ROBO1: variants seen among roughly 807,000 people sequenced by gnomAD.
ROBO1 encodes roundabout homolog 1.
In ROBO1, 149 loss-of-function variants were observed where a neutral mutation model predicts 195.9. The observed-to-expected ratio is 0.76, with a 90% CI of 0.67 to 0.87. ROBO1 has a LOEUF of 0.87. Ranked by LOEUF, ROBO1 falls within the 40% of genes least tolerant of loss-of-function variation. The probability of loss-of-function intolerance (pLI) is 0.00; values close to 1 mark genes in which losing one functional copy is unlikely to be tolerated. For missense variants in ROBO1, 1,933 were observed against 2,068.3 expected, an observed-to-expected ratio of 0.93 and a Z score of 1.27; for synonymous variants, 816 against 733.2, an observed-to-expected ratio of 1.11 and a Z score of -1.82.
intron 1 of ROBO1, among the ~76,000 whole-genome samples, chr3:79,764,936 G>A (rs958511403): frequency 1.1e-4 from 17 of 152,144 alleles, no homozygotes; most frequent in South Asian, 4.1e-4. Context: ...CAGCTGTTGA[G>A]TCTCTCCCCT....
intron 2 of ROBO1, among the ~76,000 whole-genome samples, chr3:79,452,390 A>G (rs191513253): frequency 6.6e-6 from 1 of 152,164 alleles, no homozygotes; most frequent in East Asian, 1.9e-4. Context: ...GCCTTCTCTT[A>G]TCTCCTAGAA....
intron 2 of ROBO1, among the ~76,000 whole-genome samples, chr3:79,449,704 T>C (rs999397976): frequency 2.6e-5 from 4 of 152,222 alleles, no homozygotes; most frequent in Non-Finnish European, 5.9e-5. Flanking sequence ...AGTCATGTTA[T>C]AGTTTGATGA....
At chr3:78,844,201 C>T (rs2033490516) in intron 4 of ROBO1, among the ~76,000 whole-genome samples, 1 of 152,070 alleles carries the variant, frequency 6.6e-6, no homozygotes, top group Admixed American at 6.6e-5. Context: ...ACATATTTGC[C>T]TTTCTAAGAA....
intron 4 of ROBO1, among the ~76,000 whole-genome samples, chr3:78,924,595 G>C (rs2039110430): frequency 6.6e-6 from 1 of 151,774 alleles, no homozygotes. Flanking sequence ...TATTTCTTCA[G>C]TGTGTGTGTG....
intron 3 of ROBO1, among the ~76,000 whole-genome samples, chr3:78,952,728 T>C (rs1412648250): frequency 2.6e-5 from 4 of 152,028 alleles, no homozygotes; most frequent in African/African-American, 9.7e-5. Context: ...CACCCAAAAT[T>C]ATACATAGTA....
At chr3:79,735,161 T>G (rs992002196) in intron 1 of ROBO1, among the ~76,000 whole-genome samples, 1 of 152,226 alleles carries the variant, frequency 6.6e-6, no homozygotes, top group African/African-American at 2.4e-5. Flanking sequence ...ACAAGCTATT[T>G]GGGTGGTTTG....
At chr3:79,465,635 T>C (rs1210106412) in intron 2 of ROBO1, among the ~76,000 whole-genome samples, 6 of 152,186 alleles carry the variant, frequency 3.9e-5, no homozygotes, top group Non-Finnish European at 5.9e-5. Flanking sequence ...GGTTTACTAA[T>C]TTCACTGTGA....
At chr3:79,512,708 G>A (rs1940768612) in intron 2 of ROBO1, 1 of 152,072 alleles carries the variant, frequency 6.6e-6, no homozygotes, top group Non-Finnish European at 1.5e-5. Context: ...TGCACTGAAG[G>A]AACAGAAACA....
At chr3:78,997,175 T>C (rs1030535138) in intron 3 of ROBO1, among the ~76,000 whole-genome samples, 3 of 152,142 alleles carry the variant, frequency 2.0e-5, no homozygotes, top group Non-Finnish European at 4.4e-5. Context: ...GATAGAGTTT[T>C]CTCCTTCCTC....
At chr3:78,821,734 A>G (rs1256402174) in intron 4 of ROBO1, among the ~76,000 whole-genome samples, 1 of 152,206 alleles carries the variant, frequency 6.6e-6, no homozygotes, top group African/African-American at 2.4e-5. Flanking sequence ...AGGTTGCAGG[A>G]TAATTTAATT....
intron 2 of ROBO1, among the ~76,000 whole-genome samples, chr3:79,286,765 A>G (rs545648866): frequency 6.6e-6 from 1 of 152,314 alleles, no homozygotes; most frequent in African/African-American, 2.4e-5. Context: ...TAACTGGAAT[A>G]ATAATAATAT....
At chr3:79,398,299 A>G (rs902833494) in intron 2 of ROBO1, among the ~76,000 whole-genome samples, 3 of 152,154 alleles carry the variant, frequency 2.0e-5, no homozygotes, top group Admixed American at 6.6e-5. Context: ...GAAAAATGAA[A>G]AGAAAGTGAA....
At chr3:79,308,015 T>C (rs1214579114) in intron 2 of ROBO1, among the ~76,000 whole-genome samples, 1 of 152,166 alleles carries the variant, frequency 6.6e-6, no homozygotes, top group Non-Finnish European at 1.5e-5. Context: ...ATTTCTACAA[T>C]CTGTGGCAAA....
At chr3:78,768,910 T>C (rs1356351710) in intron 4 of ROBO1, among the ~76,000 whole-genome samples, 2 of 149,706 alleles carry the variant, frequency 1.3e-5, no homozygotes, top group Non-Finnish European at 3.0e-5. Flanking sequence ...ATATGCGGTG[T>C]TTGGTTTTTT....
chr3:78,837,440 A>G (rs1253848989), intron 4 of ROBO1, among the ~76,000 whole-genome samples: 1 of 152,152 alleles, frequency 6.6e-6, no homozygotes. Context: ...GCTTAAAATG[A>G]TTTAAAATAG....
intron 2 of ROBO1, among the ~76,000 whole-genome samples, chr3:79,148,993 T>G (rs886538860): frequency 6.6e-6 from 1 of 151,882 alleles, no homozygotes; most frequent in African/African-American, 2.4e-5. Flanking sequence ...TTCCCAGCAA[T>G]TGGGACTTAA....
chr3:79,542,446 A>G (rs1942107573), intron 2 of ROBO1, among the ~76,000 whole-genome samples: 2 of 152,078 alleles, frequency 1.3e-5, no homozygotes, highest in Admixed American at 1.3e-4. Context: ...ATGCATTAGA[A>G]AAACTGACAT....
chr3:78,981,260 G>A (rs2076984257), intron 3 of ROBO1, among the ~76,000 whole-genome samples: 1 of 151,922 alleles, frequency 6.6e-6, no homozygotes, highest in Non-Finnish European at 1.5e-5. Flanking sequence ...CATTTATAAA[G>A]GGTCATAGAC....
chr3:78,816,641 GAGTATAGAAGA>G (rs1163525791), intron 4 of ROBO1, among the ~76,000 whole-genome samples: 1 of 152,150 alleles, frequency 6.6e-6, no homozygotes, highest in East Asian at 1.9e-4. Context: ...ACATTATGAG[GAGTATAGAAGA>G]AGTTTATTTC....
Sources: allele counts gnomAD v4.1 joint callset (sites outside exome capture counted in the v4.1 genomes callset), GRCh38; gene constraint gnomAD v4.1.1; transcripts MANE v1.5; gene names NCBI Gene and HGNC (gene_info 2026-07-23, HGNC 2026-07-21).